FAM131A: variants seen among roughly 807,000 people sequenced by gnomAD.
FAM131A encodes the protein family with sequence similarity 131 member A, also known as protein FAM131A.
A neutral mutation model predicts 39.2 loss-of-function variants in FAM131A; 24 were observed. That is an observed-to-expected ratio of 0.61 (90% CI 0.44 to 0.86). FAM131A has a LOEUF of 0.86. Among genes scored for constraint, FAM131A ranks in the 40% least tolerant of loss-of-function variants. The pLI is 0.00. For synonymous variants in FAM131A, 202 were observed against 206.8 expected (o/e 0.98, Z 0.20); for missense variants, 373 against 481.2 (o/e 0.78, Z 2.10).
chr3:184,342,294 C>A lies in FAM131A; in HGVS notation c.508+46C>A. The A allele has an allele frequency of 6.6e-7, 1 of 1,514,468 alleles. No individual in the cohort carries two copies. The allele number at this position is 1,514,468 out of a possible 1,614,324, so 93.8% of individuals were successfully genotyped here. ...AAGCTACACTCTTGGCACAGGGCTG[C>A]TTTCTTTCTTTATTTTATTTAATTT... On this transcript the variant is annotated intron_variant, in intron 4 of 5. Transcript: ENST00000383847. The surrounding 1 kb of genome is among the most constrained non-coding windows in gnomAD (Gnocchi z 4.6).
chr3:184,338,032 G>A (rs1406795762), intron 1 of FAM131A, among the ~76,000 whole-genome samples: 1 of 152,110 alleles, frequency 6.6e-6, no homozygotes, highest in Non-Finnish European at 1.5e-5. Flanking sequence ...GGTGGCGGTG[G>A]TGGGGGGGAC....
At position 184,342,608 on chromosome 3, in the gene FAM131A, GGCT is replaced by G; in HGVS notation, c.509-132_509-130del. On this transcript the variant is annotated intron_variant, in intron 4 of 5. Transcript: ENST00000383847. The surrounding 1 kb of genome is among the most constrained non-coding windows in gnomAD (Gnocchi z 4.6). ...GGCATAAGCCACCACACCCGGCCAG[GGCT>G]GCTTTCTTATCTCCTCGGGTCTGAC... The G allele has an allele frequency of 1.3e-6, 1 of 775,596 alleles. No homozygotes were observed. The allele number at this position is 775,596 out of a possible 1,614,324, so 48.0% of individuals were successfully genotyped here. A position where few individuals can be genotyped will look rare whatever the true frequency, so the allele number is the denominator to read the frequency against.
At chr3:184,338,669 G>A (rs1280445000) in intron 2 of FAM131A, 140 bp downstream of exon 2, 5 of 1,145,316 alleles carry the variant, frequency 4.4e-6, no homozygotes, top group Non-Finnish European at 2.4e-6. Context: ...GGGCCGGGAG[G>A]CCGCCCCCGT....
upstream of FAM131A, chr3:184,337,408 A>G (rs1376488468): frequency 1.8e-6 from 1 of 566,062 alleles, no homozygotes; most frequent in African/African-American, 1.9e-5. Context: ...GGCACTGTCT[A>G]GGGAATGGGC....
Position 184,342,701 on chromosome 3 carries a change from C to T in FAM131A, c.509-43C>T. 1.3e-6 allele frequency: 2 copies of T among 1,552,760 alleles called. No individual in the cohort carries two copies. Among genetic ancestry groups the T allele is most frequent in the Non-Finnish European group, 1.8e-6 (2 of 1,127,918 alleles). On this transcript the variant is annotated intron_variant, in intron 4 of 5. Coordinates refer to ENST00000383847, the MANE Select transcript of FAM131A (RefSeq NM_144635.5). This position sits in a 1 kb window ranked among gnomAD's most constrained non-coding sequence, Gnocchi z 4.6. ...TCCTGTCTTCAAGCTGAGCCCTAGACTTAGCTCACCTTCTCTGCTTATGCA... is the reference window on the plus strand; with the variant it reads ...TCCTGTCTTCAAGCTGAGCCCTAGATTTAGCTCACCTTCTCTGCTTATGCA...
chr3:184,344,113 G>A (rs1233504907), intron 5 of FAM131A, among the ~76,000 whole-genome samples: 1 of 152,156 alleles, frequency 6.6e-6, no homozygotes, highest in Non-Finnish European at 1.5e-5. Flanking sequence ...AGCCTCCCGA[G>A]TAGCTGGGAT....
At position 184,345,641 on chromosome 3, in the gene FAM131A, G is replaced by A; in HGVS notation, c.*671G>A. The stretch of plus-strand genomic sequence containing the variant: ...GGAGGCTTTGGAATGATGAAAGCAT[G>A]TACCCTCCACCCTTTTCCTGGCCCC... On this transcript the variant is annotated 3_prime_UTR_variant, in exon 6 of 6. Transcript: ENST00000383847. 1 of 697,168 alleles carries A rather than the reference G, an allele frequency of 1.4e-6. No homozygotes were observed. Among genetic ancestry groups the A allele is most frequent in the East Asian group, 2.7e-5 (1 of 37,244 alleles). 43.2% of individuals were successfully genotyped at this position (697,168 alleles called of 1,614,324 possible).
chr3:184,344,949 G>A lies in FAM131A; in HGVS notation c.1080G>A (p.Glu360=), dbSNP rs781033931. 6.3e-7 allele frequency: 1 copy of A among 1,576,922 alleles called. No homozygotes were observed. Among genetic ancestry groups the A allele is most frequent in the Admixed American group, 1.8e-5 (1 of 56,884 alleles). The stretch of plus-strand genomic sequence containing the variant: ...GGGTGGTGTCCTTAGATGAGGATGA[G>A]GCAGAGCCAGAGGAACAGTGACCCA... ...SSGVVSLDED[E]AEPEEQ is the part of the protein sequence containing the mutation. Residue 360 remains glutamate, a synonymous_variant, in exon 6 of 6, where the codon GAG becomes GAA. Coordinates refer to ENST00000383847, the MANE Select transcript of FAM131A (RefSeq NM_144635.5).
At chr3:184,337,492 T>C, upstream of FAM131A, 1 of 729,602 alleles carries the variant, frequency 1.4e-6, no homozygotes, top group Non-Finnish European at 2.3e-6. Flanking sequence ...GAGGCAGGAA[T>C]GTTCTCCTTA....
Position 184,345,697 on chromosome 3 carries a change from T to G in FAM131A, c.*727T>G. 2 of 623,486 alleles carry G rather than the reference T, an allele frequency of 3.2e-6. No homozygotes were observed. Among genetic ancestry groups the G allele is most frequent in the Non-Finnish European group, 5.7e-6 (2 of 351,808 alleles). 38.6% of individuals were successfully genotyped at this position (623,486 alleles called of 1,614,324 possible). ...GGGGCCTGGGCCCTTTCCCAACCCC[T>G]CCTAGGATGTGCGGGCAGTGTGCTG... On this transcript the variant is annotated 3_prime_UTR_variant, in exon 6 of 6. Coordinates refer to ENST00000383847, the MANE Select transcript of FAM131A (RefSeq NM_144635.5).
Position 184,337,674 on chromosome 3 carries a change from G to A in FAM131A, c.44G>A (p.Arg15His), listed in dbSNP as rs747525323. The A allele has an allele frequency of 3.3e-6, 5 of 1,537,156 alleles. No homozygotes were observed. In the South Asian group the frequency reaches 3.6e-5, roughly 11 times the overall value. The change falls in exon 1 of 6, where the codon CGT becomes CAT. Residue 15 changes from arginine (R) to histidine (H), a missense_variant. This residue lies in a region of FAM131A where 221 missense variants were observed against 347.7 expected (regional missense o/e 0.64). Transcript: ENST00000383847. ...SVLGKMFLWQ[R>H]EGPGGRWTCQ... ...CTGGGCAAAATGTTTCTGTGGCAGC[G>A]TGAAGGGCCTGGAGGACGATGGACT...
In FAM131A at chr3:184,338,539, C is replaced by T. The variant is rs2108541215; in HGVS notation, c.231+10C>T. 1 of 1,534,284 alleles carries T rather than the reference C, an allele frequency of 6.5e-7. No homozygotes were observed. Among genetic ancestry groups the T allele is most frequent in the Non-Finnish European group, 8.7e-7 (1 of 1,145,858 alleles). ...TCAGGACTTGCCAGAGGTGCTGGGCCCCTGGTGGTGGGGGGAAGGAGGACG... is the reference window on the plus strand; with the variant it reads ...TCAGGACTTGCCAGAGGTGCTGGGCTCCTGGTGGTGGGGGGAAGGAGGACG... On this transcript the variant is annotated intron_variant, in intron 2 of 5. Coordinates refer to ENST00000383847, the MANE Select transcript of FAM131A (RefSeq NM_144635.5).
chr3:184,342,965 G>C lies in FAM131A; in HGVS notation c.625+105G>C, dbSNP rs572764470. ...CTCTCAGCCTTTGCAAGGGGAGGGA[G>C]AGGGACAGACTCAGTCCAGGCAGGC... On this transcript the variant is annotated intron_variant, in intron 5 of 5. Transcript: ENST00000383847. This position sits in a 1 kb window ranked among gnomAD's most constrained non-coding sequence, Gnocchi z 4.6. The C allele has an allele frequency of 2.0e-6, 2 of 999,044 alleles. No individual in the cohort carries two copies. Among genetic ancestry groups the C allele is most frequent in the Non-Finnish European group, 3.1e-6 (2 of 642,428 alleles). 61.9% of individuals were successfully genotyped at this position (999,044 alleles called of 1,614,324 possible). A position where few individuals can be genotyped will look rare whatever the true frequency, so the allele number is the denominator to read the frequency against.
chr3:184,341,092 G>C (rs1250797880), intron 2 of FAM131A: 1 of 155,304 alleles, frequency 6.4e-6, no homozygotes, highest in African/African-American at 2.4e-5. Flanking sequence ...AGTAGCAGTA[G>C]AAAGGACAGG....
chr3:184,338,811 CT>C, intron 2 of FAM131A: 2 of 389,190 alleles, frequency 5.1e-6, no homozygotes, highest in South Asian at 3.2e-5. Flanking sequence ...AGACATACAC[CT>C]TTTCTCTGGG....
At chr3:184,338,138 C>G (rs964471424) in intron 1 of FAM131A, among the ~76,000 whole-genome samples, 4 of 152,060 alleles carry the variant, frequency 2.6e-5, no homozygotes, top group Non-Finnish European at 5.9e-5. Flanking sequence ...TGGTTTCACC[C>G]TAGGGTTTTG....
intron 5 of FAM131A, among the ~76,000 whole-genome samples, chr3:184,344,177 G>T (rs1035966341): frequency 4.6e-5 from 7 of 152,166 alleles, no homozygotes; most frequent in African/African-American, 1.7e-4. Flanking sequence ...TAGAGACAGG[G>T]TTTCTCCATG....
chr3:184,344,823 G>A lies in FAM131A; in HGVS notation c.954G>A (p.Ala318=), dbSNP rs756881641. 3.1e-6 allele frequency: 5 copies of A among 1,611,814 alleles called. No individual in the cohort carries two copies. The African/African-American group carries it at 4.0e-5, about 13-fold the overall frequency. The change falls in exon 6 of 6, where the codon GCG becomes GCA. Residue 318 remains alanine (A), a synonymous_variant. Coordinates refer to ENST00000383847, the MANE Select transcript of FAM131A (RefSeq NM_144635.5). ...TCACAGAGTCCTGCCTTTCCCCCGC[G>A]GAGGAGGAGCCAGCCCCCTGCAAGG... The part of the protein sequence containing the change: ...SPLTESCLSP[A]EEEPAPCKDC...
In FAM131A at chr3:184,344,915, C is replaced by T; in HGVS notation, c.1046C>T (p.Ala349Val). 6.2e-6 allele frequency: 10 copies of T among 1,605,530 alleles called. No individual in the cohort carries two copies. Among genetic ancestry groups the T allele is most frequent in the Non-Finnish European group, 8.5e-6 (10 of 1,179,044 alleles). The change falls in exon 6 of 6, where the codon GCC (alanine) becomes GTC (valine). Residue 349 changes from alanine to valine, a missense_variant. This residue lies in a region of FAM131A where 152 missense variants were observed against 133.5 expected (regional missense o/e 1.14). Coordinates refer to ENST00000383847, the MANE Select transcript of FAM131A (RefSeq NM_144635.5). ...CGGCAGCGGCAAGCCTCTGACCTGGCCTCTTCTGGGGTGGTGTCCTTAGAT... is the reference window on the plus strand; with the variant it reads ...CGGCAGCGGCAAGCCTCTGACCTGGTCTCTTCTGGGGTGGTGTCCTTAGAT... ...WERQRQASDLASSGVVSLDED... is the reference protein window; with the variant it reads ...WERQRQASDLVSSGVVSLDED...
Sources: gnomAD v4.1 joint callset for allele counts (sites outside exome capture counted in the v4.1 genomes callset) on GRCh38, gnomAD v4.1.1 for gene constraint, gnomAD v4.1.1 regional missense constraint, Gnocchi (gnomAD v3.1) non-coding constraint, MANE v1.5 for transcripts, NCBI Gene and HGNC (gene_info 2026-07-23, HGNC 2026-07-21) for gene names.